Variants in DOCK3 observed in about 807,000 individuals in gnomAD.
DOCK3 encodes the protein dedicator of cytokinesis 3.
Under a neutral mutation model 265.6 loss-of-function variants are expected in DOCK3, and 60 were observed. The observed-to-expected ratio is 0.23, with a 90% CI of 0.18 to 0.28. DOCK3 has a LOEUF of 0.28. DOCK3 is among the 10% of genes least tolerant of loss of function. The pLI, the probability that DOCK3 is intolerant of heterozygous loss-of-function variation, is 1.00. For missense variants in DOCK3, 1,981 were observed against 2,594.3 expected (o/e 0.76, Z 5.14); for synonymous variants, 881 against 938.0 (o/e 0.94, Z 1.11).
chr3:51,318,250 G>T (rs1390398980), intron 32 of DOCK3, among the ~76,000 whole-genome samples: 1 of 151,986 alleles, frequency 6.6e-6, no homozygotes, highest in East Asian at 1.9e-4. Context: ...GTGGTGGCAG[G>T]TGCCTGTAAT....
At chr3:51,000,355 A>G (rs1284628252) in intron 5 of DOCK3, among the ~76,000 whole-genome samples, 1 of 152,210 alleles carries the variant, frequency 6.6e-6, no homozygotes, top group Non-Finnish European at 1.5e-5. Context: ...AAAGACACAT[A>G]CAATAATTTG....
chr3:51,263,730 AC>A (rs760871678), intron 23 of DOCK3, among the ~76,000 whole-genome samples: 1 of 152,226 alleles, frequency 6.6e-6, no homozygotes, highest in Non-Finnish European at 1.5e-5. Context: ...AGGACTATTT[AC>A]CAAGCAAATG....
At chr3:51,148,775 G>GCA (rs2085424525) in intron 10 of DOCK3, among the ~76,000 whole-genome samples, 2 of 152,168 alleles carry the variant, frequency 1.3e-5, no homozygotes, top group African/African-American at 2.4e-5. Flanking sequence ...GTCAGGTAAT[G>GCA]TGATGCCTCC....
intron 4 of DOCK3, among the ~76,000 whole-genome samples, chr3:50,908,129 G>A (rs894990302): frequency 2.6e-4 from 39 of 148,446 alleles, no homozygotes; most frequent in Admixed American, 5.4e-4. Flanking sequence ...TGTAGCTAGC[G>A]GTCTATTTTA....
chr3:50,944,670 C>T (rs2076381604), intron 5 of DOCK3, among the ~76,000 whole-genome samples: 1 of 152,060 alleles, frequency 6.6e-6, no homozygotes, highest in Non-Finnish European at 1.5e-5. Flanking sequence ...CATCAAAAAG[C>T]TTTGTAGGCG....
intron 5 of DOCK3, among the ~76,000 whole-genome samples, chr3:50,940,137 A>G (rs769494190): frequency 8.6e-5 from 13 of 151,840 alleles, no homozygotes; most frequent in Non-Finnish European, 1.8e-4. Flanking sequence ...TAAAATTTAG[A>G]ACACAGTACC....
chr3:50,899,004 A>T (rs1221252283), intron 4 of DOCK3, among the ~76,000 whole-genome samples: 3 of 152,202 alleles, frequency 2.0e-5, no homozygotes, highest in African/African-American at 7.2e-5. Context: ...CTCTTGGTCC[A>T]GAGCTGAGTT....
At chr3:50,856,453 T>G (rs1429392550) in intron 3 of DOCK3, among the ~76,000 whole-genome samples, 1 of 152,214 alleles carries the variant, frequency 6.6e-6, no homozygotes, top group South Asian at 2.1e-4. Context: ...GGGCTTTTTT[T>G]TTTCATATGT....
chr3:51,310,506 A>C (rs2083009354), intron 28 of DOCK3, among the ~76,000 whole-genome samples, 180 bp downstream of exon 28: 2 of 152,370 alleles, frequency 1.3e-5, no homozygotes, highest in South Asian at 4.1e-4. Context: ...CACAGTAAGG[A>C]TAGAGAAGAA....
chr3:51,116,232 A>G (rs1009042686), intron 9 of DOCK3, among the ~76,000 whole-genome samples: 31 of 152,152 alleles, frequency 2.0e-4, no homozygotes, highest in African/African-American at 7.2e-4. Flanking sequence ...TGGGCAGATC[A>G]TGATGTCAGG....
At chr3:50,784,884 C>T (rs1202401508) in intron 2 of DOCK3, among the ~76,000 whole-genome samples, 29 of 152,134 alleles carry the variant, frequency 1.9e-4, no homozygotes, top group Admixed American at 9.2e-4. Flanking sequence ...TGGCCAGGCA[C>T]GGTGGCTCAC....
chr3:50,859,165 G>A (rs2046774306), intron 3 of DOCK3, among the ~76,000 whole-genome samples: 2 of 149,198 alleles, frequency 1.3e-5, no homozygotes, highest in South Asian at 2.1e-4. Context: ...CTGTCATTCC[G>A]GCTAGTTCAG....
chr3:51,129,302 G>A (rs916100686), intron 9 of DOCK3, among the ~76,000 whole-genome samples: 1 of 152,198 alleles, frequency 6.6e-6, no homozygotes, highest in Non-Finnish European at 1.5e-5. Flanking sequence ...TTCGGGTGGT[G>A]CCTGCATATC....
At chr3:50,862,252 A>G (rs2046299493) in intron 3 of DOCK3, among the ~76,000 whole-genome samples, 1 of 152,168 alleles carries the variant, frequency 6.6e-6, no homozygotes, top group South Asian at 2.1e-4. Context: ...GCTTTCTCAG[A>G]TACTGTTTGT....
At chr3:51,084,148 G>A (rs2082336199) in intron 7 of DOCK3, among the ~76,000 whole-genome samples, 2 of 152,012 alleles carry the variant, frequency 1.3e-5, no homozygotes, top group Non-Finnish European at 1.5e-5. Flanking sequence ...GAAGGCATGG[G>A]CAAAGATATA....
chr3:51,292,405 C>G (rs1277347180), intron 27 of DOCK3, among the ~76,000 whole-genome samples: 1 of 152,080 alleles, frequency 6.6e-6, no homozygotes, highest in East Asian at 1.9e-4. Flanking sequence ...AAAACAGATT[C>G]AGTAAAATTG....
chr3:51,170,160 T>C (rs2086604454), intron 12 of DOCK3, among the ~76,000 whole-genome samples: 1 of 152,184 alleles, frequency 6.6e-6, no homozygotes, highest in Non-Finnish European at 1.5e-5. Context: ...CTGAAAAAAT[T>C]AAAAATCTGA....
intron 1 of DOCK3, among the ~76,000 whole-genome samples, chr3:50,694,137 G>T (rs988458645): frequency 3.9e-5 from 6 of 152,042 alleles, no homozygotes; most frequent in Non-Finnish European, 7.4e-5. Context: ...AGGCGTGGTG[G>T]CGGGCGCCTG....
chr3:51,293,769 C>A (rs905744767), intron 27 of DOCK3, among the ~76,000 whole-genome samples: 9 of 152,076 alleles, frequency 5.9e-5, no homozygotes, highest in Non-Finnish European at 7.4e-5. Flanking sequence ...AATAACAAGA[C>A]TACAAATAAC....
Sources: allele counts gnomAD v4.1 joint callset (sites outside exome capture counted in the v4.1 genomes callset), GRCh38; gene constraint gnomAD v4.1.1; transcripts MANE v1.5; gene names NCBI Gene and HGNC (gene_info 2026-07-23, HGNC 2026-07-21).